Variants in SLIT3 observed in about 807,000 individuals in gnomAD.
SLIT3 encodes slit guidance ligand 3.
A neutral mutation model predicts 184.0 loss-of-function variants in SLIT3; 68 were observed. That is an observed-to-expected ratio of 0.37 (90% CI 0.30 to 0.45). The LOEUF is 0.45. Ranked by LOEUF, SLIT3 falls within the 20% of genes least tolerant of loss-of-function variation. The pLI is 1.00. For synonymous variants in SLIT3, 831 were observed against 828.6 expected (o/e 1.00, Z -0.05); for missense variants, 1,707 against 2,026.0 (o/e 0.84, Z 3.02).
At position 168,749,464 on chromosome 5, in the gene SLIT3, C is replaced by T. The variant is rs766484800; in HGVS notation, c.2137+8G>A. On this transcript the variant is annotated splice_region_variant and intron_variant, in intron 19 of 35. Transcript: ENST00000519560. ...TTCCCCGCAGACCTTGACCCACAGC[C>T]TTCTTACCATCACAGGTGAAGTCCT... The T allele has an allele frequency of 1.2e-6, 2 of 1,614,094 alleles. No individual in the cohort carries two copies. Among genetic ancestry groups the T allele is most frequent in the South Asian group, 1.1e-5 (1 of 91,074 alleles).
In SLIT3 at chr5:169,015,970, A is replaced by C. The variant is rs1180236957; in HGVS notation, c.414-132634T>G. Among the ~76,000 whole-genome samples, 180 of 127,962 alleles carry C rather than the reference A, an allele frequency of 1.4e-3. 1 individual carries two copies. The highest frequency in any genetic ancestry group is 1.8e-3 in the Non-Finnish European group (104 of 59,376). 83.9% of individuals were successfully genotyped at this position (127,962 alleles called of 152,430 possible). On this transcript the variant is annotated intron_variant, in intron 4 of 35. Coordinates refer to ENST00000519560, the MANE Select transcript of SLIT3 (RefSeq NM_003062.4). ...CACACACACACACACACACACACAC[A>C]CACACACACACACACAACTTTCTGT...
chr5:168,857,488 T>C (rs1758929624), intron 5 of SLIT3, among the ~76,000 whole-genome samples: 1 of 152,198 alleles, frequency 6.6e-6, no homozygotes, highest in Admixed American at 6.5e-5. Context: ...TGTCGGACTA[T>C]GGCCTAACTT....
intron 4 of SLIT3, among the ~76,000 whole-genome samples, chr5:168,889,434 T>C (rs1036932085): frequency 1.3e-5 from 2 of 152,184 alleles, no homozygotes; most frequent in African/African-American, 2.4e-5. Context: ...GGAATCAAAG[T>C]ATCAATGGGG....
intron 3 of SLIT3, among the ~76,000 whole-genome samples, chr5:169,207,439 G>C (rs1470721077): frequency 2.7e-5 from 4 of 148,058 alleles, no homozygotes; most frequent in African/African-American, 1.0e-4. Flanking sequence ...ATCCTGAAAA[G>C]AATTCAACGT....
At chr5:168,860,138 T>A (rs1218817660) in intron 5 of SLIT3, among the ~76,000 whole-genome samples, 1 of 152,010 alleles carries the variant, frequency 6.6e-6, no homozygotes, top group Non-Finnish European at 1.5e-5. Flanking sequence ...GAAAGTGATC[T>A]CAGAGATCAT....
At chr5:169,236,484 T>G (rs981809777) in intron 3 of SLIT3, among the ~76,000 whole-genome samples, 10 of 152,070 alleles carry the variant, frequency 6.6e-5, no homozygotes, top group East Asian at 3.9e-4. Context: ...TTTTGTTTTT[T>G]TTTTTTTTGA....
At chr5:168,820,559 A>G (rs1757495632) in intron 7 of SLIT3, among the ~76,000 whole-genome samples, 1 of 152,176 alleles carries the variant, frequency 6.6e-6, no homozygotes, top group Admixed American at 6.5e-5. Context: ...ATTACGACTG[A>G]CAGGAGACTA....
chr5:169,238,543 CT>C (rs71698425), intron 3 of SLIT3, among the ~76,000 whole-genome samples: 2,009 of 117,084 alleles, frequency 0.017, 22 homozygotes, highest in African/African-American at 0.044. Context: ...AGTGAAATAG[CT>C]TTTTTTTTTT....
At chr5:169,134,655 C>T (rs900164296) in intron 4 of SLIT3, among the ~76,000 whole-genome samples, 12 of 152,086 alleles carry the variant, frequency 7.9e-5, no homozygotes, top group Admixed American at 5.9e-4. Context: ...ATGAAAATGT[C>T]GAGTTGATGG....
chr5:169,139,241 A>C (rs925969017), intron 4 of SLIT3, among the ~76,000 whole-genome samples: 1 of 152,238 alleles, frequency 6.6e-6, no homozygotes. Flanking sequence ...ACTACAGAAA[A>C]ATACAAGGTT....
At chr5:168,985,496 T>C (rs1482915727) in intron 4 of SLIT3, among the ~76,000 whole-genome samples, 1 of 152,196 alleles carries the variant, frequency 6.6e-6, no homozygotes, top group Non-Finnish European at 1.5e-5. Context: ...AACTGAGTGG[T>C]TGACTGCTTG....
Position 168,806,451 on chromosome 5 carries a change from G to A in SLIT3, c.930C>T (p.Val310=), listed in dbSNP as rs1449678650. Residue 310 remains valine, a synonymous_variant, in exon 9 of 36, where the codon GTC becomes GTT. Coordinates refer to ENST00000519560, the MANE Select transcript of SLIT3 (RefSeq NM_003062.4). ...TGTCAGACAGGTGCACTTACATTTC[G>A]ACGATGCCCTCCGGCAAGTTGGCAG... is the stretch of plus-strand genomic sequence containing the variant. ...EIPANLPEGI[V]EIRLEQNSIK... The A allele has an allele frequency of 2.0e-5, 32 of 1,614,040 alleles. No individual in the cohort carries two copies. Among genetic ancestry groups the A allele is most frequent in the South Asian group, 5.5e-5 (5 of 91,072 alleles).
At chr5:169,279,359 C>G (rs866356129) in intron 1 of SLIT3, among the ~76,000 whole-genome samples, 2 of 152,126 alleles carry the variant, frequency 1.3e-5, no homozygotes, top group Non-Finnish European at 1.5e-5. Context: ...CACATCCTGT[C>G]TCACTGGCAT....
intron 20 of SLIT3, among the ~76,000 whole-genome samples, chr5:168,735,533 T>C (rs942346711): frequency 6.6e-6 from 1 of 152,162 alleles, no homozygotes; most frequent in African/African-American, 2.4e-5. Context: ...AAGCTTATAA[T>C]GATCACCACC....
At chr5:169,284,654 G>C (rs1294985904) in intron 1 of SLIT3, among the ~76,000 whole-genome samples, 1 of 152,114 alleles carries the variant, frequency 6.6e-6, no homozygotes, top group African/African-American at 2.4e-5. Context: ...AAGAGATGAA[G>C]GGACTTATCT....
At position 169,076,776 on chromosome 5, in the gene SLIT3, G is replaced by T. The variant is rs542097030; in HGVS notation, c.413+116703C>A. Among the ~76,000 whole-genome samples, 7 of 152,174 alleles carry T rather than the reference G, an allele frequency of 4.6e-5. No homozygotes were observed. In the South Asian group the frequency reaches 1.5e-3, roughly 32 times the overall value. On this transcript the variant is annotated intron_variant, in intron 4 of 35. Transcript: ENST00000519560. Reference sequence around the variant, plus strand: ...ATATTCTTTTTAAATTTAAAGACTTGAGCTAAGCAGAAATAGAATCTAGTT... The same window carrying T: ...ATATTCTTTTTAAATTTAAAGACTTTAGCTAAGCAGAAATAGAATCTAGTT...
chr5:168,805,337 G>A (rs1756917321), intron 9 of SLIT3, among the ~76,000 whole-genome samples: 1 of 151,908 alleles, frequency 6.6e-6, no homozygotes, highest in Admixed American at 6.6e-5. Flanking sequence ...AGGAGGAGGA[G>A]GAAGAGGAGG....
At chr5:168,673,820 G>A (rs902622038) in intron 32 of SLIT3, among the ~76,000 whole-genome samples, 1 of 152,174 alleles carries the variant, frequency 6.6e-6, no homozygotes, top group African/African-American at 2.4e-5. Flanking sequence ...TCTAGGGTCA[G>A]GTATTGCATT....
intron 4 of SLIT3, chr5:169,017,860 T>C (rs1187377237): frequency 2.0e-5 from 3 of 152,186 alleles, no homozygotes; most frequent in African/African-American, 7.2e-5. Context: ...AGAGAAGTAA[T>C]CTGGAGCCAC....
Sources: allele counts gnomAD v4.1 joint callset (sites outside exome capture counted in the v4.1 genomes callset), GRCh38; gene constraint gnomAD v4.1.1; transcripts MANE v1.5; gene names NCBI Gene and HGNC (gene_info 2026-07-23, HGNC 2026-07-21).